AMMECR1: variants seen among roughly 807,000 people sequenced by gnomAD.
The protein encoded by AMMECR1 is nuclear protein AMMECR1.
AMMECR1 carries 3 observed loss-of-function variants against 22.5 expected under a neutral mutation model. The observed-to-expected ratio is 0.13, with a 90% CI of 0.06 to 0.35. AMMECR1 has a LOEUF of 0.35. Among genes scored for constraint, AMMECR1 ranks in the 10% least tolerant of loss-of-function variants. AMMECR1 has a pLI of 1.00. For missense variants in AMMECR1, 235 were observed against 278.7 expected, an observed-to-expected ratio of 0.84 and a Z score of 1.12; for synonymous variants, 130 against 116.7, an observed-to-expected ratio of 1.11 and a Z score of -0.74.
chrX:110,389,921 G>A (rs1033952460), intron 2 of AMMECR1, among the ~76,000 whole-genome samples: 3 of 112,096 alleles, frequency 2.7e-5, no homozygotes, highest in Admixed American at 9.4e-5. Context: ...TTGATTCCTG[G>A]CTCTAGGAGA....
intron 2 of AMMECR1, among the ~76,000 whole-genome samples, chrX:110,232,836 G>GCT (rs2067575708): frequency 1.0e-5 from 1 of 95,568 alleles, no homozygotes; most frequent in African/African-American, 4.0e-5. Context: ...CTTGCAATGA[G>GCT]CTGAGATCGC....
At chrX:110,230,921 A>G (rs1360182420) in intron 2 of AMMECR1, among the ~76,000 whole-genome samples, 7 of 112,113 alleles carry the variant, frequency 6.2e-5, no homozygotes, top group African/African-American at 2.3e-4. Flanking sequence ...CAAGTGGAAG[A>G]AAGGGTATCA....
At chrX:110,286,286 A>T (rs1316077184) in intron 1 of AMMECR1, among the ~76,000 whole-genome samples, 4 of 111,450 alleles carry the variant, frequency 3.6e-5, no homozygotes, top group African/African-American at 1.3e-4. Flanking sequence ...ATGACTAAAG[A>T]ACTGCATAGA....
intron 2 of AMMECR1, among the ~76,000 whole-genome samples, chrX:110,362,394 A>G (rs1001232490): frequency 8.9e-6 from 1 of 112,164 alleles, no homozygotes; most frequent in South Asian, 3.7e-4. Flanking sequence ...CCCTCTAATA[A>G]CAATAATAAC....
At chrX:110,342,481 C>T (rs2068168727) in intron 2 of AMMECR1, among the ~76,000 whole-genome samples, 1 of 111,341 alleles carries the variant, frequency 9.0e-6, no homozygotes, top group East Asian at 2.8e-4. Flanking sequence ...AAGTGATTCT[C>T]CTGCCTCAGC....
chrX:110,419,560 A>T (rs1173146653), intron 2 of AMMECR1, among the ~76,000 whole-genome samples: 1 of 112,565 alleles, frequency 8.9e-6, no homozygotes, highest in Admixed American at 9.3e-5. Context: ...GAGGACAGGG[A>T]CCTTGTCTGT....
chrX:110,408,643 C>G (rs2068619605), intron 2 of AMMECR1, among the ~76,000 whole-genome samples: 1 of 112,396 alleles, frequency 8.9e-6, no homozygotes, highest in South Asian at 3.7e-4. Flanking sequence ...CACACAGACT[C>G]ATTCACCATT....
intron 1 of AMMECR1, among the ~76,000 whole-genome samples, chrX:110,429,718 G>A (rs954102977): frequency 9.0e-6 from 1 of 111,193 alleles, no homozygotes; most frequent in Non-Finnish European, 1.9e-5. Context: ...CTGACCTCAA[G>A]TGTTCCACCT....
intron 2 of AMMECR1, among the ~76,000 whole-genome samples, chrX:110,218,236 G>T (rs947786418): frequency 9.1e-6 from 1 of 110,414 alleles, no homozygotes; most frequent in African/African-American, 3.3e-5. Context: ...CAGACCAGAA[G>T]AATTATATGC....
At chrX:110,300,258 G>C (rs750559953) in intron 1 of AMMECR1, among the ~76,000 whole-genome samples, 1 of 112,091 alleles carries the variant, frequency 8.9e-6, no homozygotes, top group South Asian at 3.8e-4. Context: ...TTGTGGTTTT[G>C]ACTTGCATTT....
chrX:110,215,871 A>G (rs1447528191), intron 3 of AMMECR1, among the ~76,000 whole-genome samples: 1 of 111,809 alleles, frequency 8.9e-6, no homozygotes, highest in Non-Finnish European at 1.9e-5. Context: ...AATCATGGTG[A>G]GAACCTTTGA....
upstream of AMMECR1, among the ~76,000 whole-genome samples, chrX:110,321,397 A>G (rs2068078615): frequency 9.0e-6 from 1 of 110,912 alleles, no homozygotes; most frequent in South Asian, 3.8e-4. Flanking sequence ...AACAAAGCAC[A>G]TTCAAATTGT....
intron 1 of AMMECR1, among the ~76,000 whole-genome samples, chrX:110,434,275 GT>G (rs1158062654): frequency 8.9e-6 from 1 of 111,809 alleles, no homozygotes; most frequent in Non-Finnish European, 1.9e-5. Flanking sequence ...CAAGCTGAAG[GT>G]TTTGTTCTGT....
rs35459612 is a variant in AMMECR1 at position 110,339,973 on chromosome X, T to TACACACAC, written c.-147-22132_-147-22125dup. 2.9e-3 allele frequency among the ~76,000 whole-genome samples: 231 copies of TACACACAC among 78,787 alleles called. 3 individuals carry two copies. The highest frequency in any genetic ancestry group is 9.1e-3 in the African/African-American group (183 of 20,158). The allele number at this position is 78,787 out of a possible 115,157, so 68.4% of individuals were successfully genotyped here. ...TTTTGCTGTAGTTGAAGGCAAAACA[T>TACACACAC]ACACACACACACACACACACACACA... On this transcript the variant is annotated intron_variant, in intron 2 of 7. Coordinates refer to the AMMECR1 transcript ENST00000372057.
At position 110,236,504 on chromosome X, in the gene AMMECR1, C is replaced by T. The variant is rs781004357; in HGVS notation, c.585-19872G>A. 1.0e-3 allele frequency among the ~76,000 whole-genome samples: 113 copies of T among 112,091 alleles called. No individual in the cohort carries two copies. In the Middle Eastern group the frequency reaches 0.014, roughly 14 times the overall value. On this transcript the variant is annotated intron_variant, in intron 2 of 5. Coordinates refer to ENST00000262844, the MANE Select transcript of AMMECR1 (RefSeq NM_015365.3). ...AGGCTAAGCAAAACCCTATAGAAAT[C>T]CAAATTAAAAACTAACTTTTGGACT...
At chrX:110,315,636 TG>T (rs2068044398) in intron 1 of AMMECR1, among the ~76,000 whole-genome samples, 1 of 112,581 alleles carries the variant, frequency 8.9e-6, no homozygotes, top group Non-Finnish European at 1.9e-5. Flanking sequence ...TTATAGTCAT[TG>T]AGTTAACCCA....
chrX:110,288,675 C>T (rs1393274960), intron 1 of AMMECR1, among the ~76,000 whole-genome samples: 2 of 111,928 alleles, frequency 1.8e-5, no homozygotes, highest in Non-Finnish European at 3.8e-5. Flanking sequence ...CCACATTATT[C>T]AGTTAAATGC....
At chrX:110,268,845 G>T (rs781580001) in intron 1 of AMMECR1, among the ~76,000 whole-genome samples, 33 of 111,615 alleles carry the variant, frequency 3.0e-4, no homozygotes, top group Non-Finnish European at 5.5e-4. Context: ...TTCATAGTAA[G>T]ACAAAGATTG....
chrX:110,234,049 C>T lies in AMMECR1; in HGVS notation c.585-17417G>A, dbSNP rs1288759376. Among the ~76,000 whole-genome samples, 4 of 112,179 alleles carry T rather than the reference C, an allele frequency of 3.6e-5. 1 individual carries two copies. The highest frequency in any genetic ancestry group is 7.5e-5 in the Non-Finnish European group (4 of 53,251). On this transcript the variant is annotated intron_variant, in intron 2 of 5. Coordinates refer to ENST00000262844, the MANE Select transcript of AMMECR1 (RefSeq NM_015365.3). ...GAAGAAGTCAAATTGTCCCTGTTTG[C>T]AGATGACATGGTTGTATATTTAGAA...
Sources: allele counts gnomAD v4.1 joint callset (sites outside exome capture counted in the v4.1 genomes callset), GRCh38; gene constraint gnomAD v4.1.1; transcripts MANE v1.5; gene names NCBI Gene and HGNC (gene_info 2026-07-23, HGNC 2026-07-21).